ERC1: variants seen among roughly 807,000 people sequenced by gnomAD.
ERC1 encodes the protein ELKS/RAB6-interacting/CAST family member 1, also known as RAB6 interacting protein 2.
Under a neutral mutation model 132.0 loss-of-function variants are expected in ERC1, and 56 were observed. The ratio of observed to expected loss-of-function variants is 0.42; its 90% confidence interval spans 0.34 to 0.53. The LOEUF is 0.53. Among genes scored for constraint, ERC1 ranks in the 20% least tolerant of loss-of-function variants. ERC1 has a pLI of 0.03. For synonymous variants in ERC1, 478 were observed against 476.1 expected, an observed-to-expected ratio of 1.00 and a Z score of -0.05; for missense variants, 1,202 against 1,349.9, an observed-to-expected ratio of 0.89 and a Z score of 1.72.
At chr12:1,344,148 A>G (rs1164627611) in intron 15 of ERC1, among the ~76,000 whole-genome samples, 3 of 152,188 alleles carry the variant, frequency 2.0e-5, no homozygotes, top group Non-Finnish European at 4.4e-5. Context: ...GCCTGTAAAA[A>G]CATTTTCATC....
intron 18 of ERC1, among the ~76,000 whole-genome samples, chr12:1,479,299 C>T (rs1238322042): frequency 3.9e-5 from 6 of 152,078 alleles, no homozygotes; most frequent in African/African-American, 2.4e-5. Context: ...GGAATCAGCT[C>T]GTCTATTCAC....
intron 1 of ERC1, chr12:998,286 A>AT (rs1242470443): frequency 1.3e-5 from 2 of 152,258 alleles, no homozygotes; most frequent in Non-Finnish European, 2.9e-5. Flanking sequence ...TATATAACAA[A>AT]TTACCCCCTA....
chr12:1,338,186 G>C (rs1252015095), intron 15 of ERC1, among the ~76,000 whole-genome samples: 1 of 151,904 alleles, frequency 6.6e-6, no homozygotes, highest in African/African-American at 2.4e-5. Flanking sequence ...TCATAGATTT[G>C]GTCTCTTTAT....
intron 18 of ERC1, among the ~76,000 whole-genome samples, chr12:1,446,896 T>G (rs116624146): frequency 0.013 from 2,020 of 152,254 alleles, 45 homozygotes; most frequent in African/African-American, 0.047. Flanking sequence ...GGCTCACACC[T>G]GTAGTCCCAG....
intron 14 of ERC1, among the ~76,000 whole-genome samples, chr12:1,281,521 T>C (rs1219087309): frequency 6.6e-6 from 1 of 152,196 alleles, no homozygotes; most frequent in Non-Finnish European, 1.5e-5. Context: ...ACATCTTCTT[T>C]GTTACTACTG....
chr12:1,072,659 T>G (rs1940616070), intron 2 of ERC1, among the ~76,000 whole-genome samples: 1 of 152,156 alleles, frequency 6.6e-6, no homozygotes. Flanking sequence ...TGTTGTTGTT[T>G]TTATTTCCAA....
At chr12:1,192,200 T>TGGG (rs1314404586) in intron 12 of ERC1, among the ~76,000 whole-genome samples, 1 of 152,216 alleles carries the variant, frequency 6.6e-6, no homozygotes, top group African/African-American at 2.4e-5. Context: ...TTGGACCCAA[T>TGGG]GTCTTAAGTA....
At chr12:1,053,312 G>T (rs1195230148) in intron 2 of ERC1, among the ~76,000 whole-genome samples, 1 of 152,126 alleles carries the variant, frequency 6.6e-6, no homozygotes, top group East Asian at 1.9e-4. Flanking sequence ...AGTAGCTTTC[G>T]TTAGTCTTGC....
chr12:1,318,925 T>C (rs979347769), intron 15 of ERC1, among the ~76,000 whole-genome samples: 4 of 152,108 alleles, frequency 2.6e-5, no homozygotes, highest in Non-Finnish European at 5.9e-5. Context: ...CAACAGTCTC[T>C]CCAAGTTAAC....
intron 18 of ERC1, among the ~76,000 whole-genome samples, chr12:1,487,268 A>G (rs967508456): frequency 1.3e-5 from 2 of 151,768 alleles, no homozygotes; most frequent in African/African-American, 4.8e-5. Context: ...GTCTATTCTT[A>G]ACTCTTTGAT....
chr12:1,258,846 A>T (rs2076968461), intron 13 of ERC1, among the ~76,000 whole-genome samples: 1 of 152,222 alleles, frequency 6.6e-6, no homozygotes, highest in Non-Finnish European at 1.5e-5. Context: ...GAGCACAATG[A>T]TGTATAATCC....
At chr12:1,485,720 TG>T (rs1334821755) in intron 18 of ERC1, among the ~76,000 whole-genome samples, 3 of 133,856 alleles carry the variant, frequency 2.2e-5, no homozygotes, top group Non-Finnish European at 5.1e-5. Context: ...TTCAATTAAA[TG>T]TATAGCTCTT....
chr12:1,116,023 T>A lies in ERC1; in HGVS notation c.1559T>A (p.Leu520Gln). 6.2e-7 allele frequency: 1 copy of A among 1,611,944 alleles called. No individual in the cohort carries two copies. The highest frequency in any genetic ancestry group is 8.5e-7 in the Non-Finnish European group (1 of 1,178,922). ...LTAKEQRAAI[L>Q]QTEVDALRLR... ...GCTAAGGAGCAGAGGGCTGCCATCCTGCAGACTGAGGTAGAAACAATTCTG... is the reference window on the plus strand; with the variant it reads ...GCTAAGGAGCAGAGGGCTGCCATCCAGCAGACTGAGGTAGAAACAATTCTG... Residue 520 changes from leucine to glutamine, a missense_variant, in exon 7 of 19, where the codon CTG becomes CAG. Coordinates refer to ENST00000360905, the MANE Select transcript of ERC1 (RefSeq NM_178040.4).
chr12:1,107,030 G>C (rs1225277680), intron 4 of ERC1, among the ~76,000 whole-genome samples: 1 of 152,170 alleles, frequency 6.6e-6, no homozygotes, highest in Admixed American at 6.5e-5. Flanking sequence ...AAAGGTGATT[G>C]AAGTAAAAGA....
intron 18 of ERC1, among the ~76,000 whole-genome samples, chr12:1,458,201 G>A (rs1184531529): frequency 1.3e-5 from 2 of 152,238 alleles, no homozygotes; most frequent in African/African-American, 2.4e-5. Flanking sequence ...GGAGGCGAGG[G>A]CTGAGGATTC....
intron 1 of ERC1, among the ~76,000 whole-genome samples, chr12:1,018,289 C>G (rs962439469): frequency 6.6e-6 from 1 of 152,176 alleles, no homozygotes; most frequent in African/African-American, 2.4e-5. Context: ...GCAACTTCCA[C>G]CTCCCGGCTT....
intron 18 of ERC1, among the ~76,000 whole-genome samples, chr12:1,471,717 C>G (rs1436133693): frequency 6.6e-6 from 1 of 152,178 alleles, no homozygotes; most frequent in Non-Finnish European, 1.5e-5. Context: ...ATGGTTGACT[C>G]TAACCTTGCA....
chr12:1,142,354 G>C (rs890483972), intron 8 of ERC1, among the ~76,000 whole-genome samples: 2 of 152,040 alleles, frequency 1.3e-5, no homozygotes, highest in African/African-American at 4.8e-5. Context: ...AGCATTGTAT[G>C]GATATACTAT....
chr12:1,418,351 CAT>C (rs1020339877), intron 17 of ERC1, among the ~76,000 whole-genome samples: 6 of 152,176 alleles, frequency 3.9e-5, no homozygotes, highest in Non-Finnish European at 8.8e-5. Context: ...TAAAGTAAGT[CAT>C]AAAACCTTCA....
Sources: gnomAD v4.1 joint callset for allele counts (sites outside exome capture counted in the v4.1 genomes callset) on GRCh38, gnomAD v4.1.1 for gene constraint, MANE v1.5 for transcripts, NCBI Gene and HGNC (gene_info 2026-07-23, HGNC 2026-07-21) for gene names.